Variants in RNF14 observed in about 807,000 individuals in gnomAD.
RNF14 encodes E3 ubiquitin-protein ligase RNF14.
In RNF14, 26 loss-of-function variants were observed where a neutral mutation model predicts 52.6. That is an observed-to-expected ratio of 0.49 (90% confidence interval 0.36 to 0.69). The LOEUF is 0.69. Among genes scored for constraint, RNF14 ranks in the 30% least tolerant of loss-of-function variants. The probability of loss-of-function intolerance (pLI) is 0.00; values close to 1 mark genes in which losing one functional copy is unlikely to be tolerated. For synonymous variants in RNF14, 194 were observed against 202.0 expected (o/e 0.96, Z 0.34); for missense variants, 404 against 560.4 (o/e 0.72, Z 2.82).
chr5:141,955,085 C>T (rs775039753), upstream of RNF14: 1 of 1,614,130 alleles, frequency 6.2e-7, no homozygotes. The surrounding 1 kb of genome is among the most constrained non-coding windows in gnomAD (Gnocchi z 5.5). Context: ...GATTCTTTCT[C>T]AGGGGACACT....
chr5:141,955,195 G>A (rs140005536), upstream of RNF14: 449 of 1,614,198 alleles, frequency 2.8e-4, 1 homozygote, highest in East Asian at 5.4e-3. This position sits in a 1 kb window ranked among gnomAD's most constrained non-coding sequence, Gnocchi z 5.5. Flanking sequence ...CCTCCCTGTG[G>A]GGCTGCCTGC....
At chr5:141,976,343 CAG>C (rs1215223378) in intron 4 of RNF14, among the ~76,000 whole-genome samples, 1 of 152,198 alleles carries the variant, frequency 6.6e-6, no homozygotes, top group Non-Finnish European at 1.5e-5. Flanking sequence ...ACGCACAAAA[CAG>C]GGACAGATTA....
upstream of RNF14, chr5:141,955,772 T>A: frequency 6.2e-7 from 1 of 1,613,946 alleles, no homozygotes. This position sits in a 1 kb window ranked among gnomAD's most constrained non-coding sequence, Gnocchi z 5.5. Context: ...GTGACAAACA[T>A]GACCCTCAAC....
intron 1 of RNF14, among the ~76,000 whole-genome samples, chr5:141,961,720 G>A (rs1753276489): frequency 6.6e-6 from 1 of 152,130 alleles, no homozygotes; most frequent in African/African-American, 2.4e-5. Context: ...CTTAACCACA[G>A]GGAGGGCTGA....
At chr5:141,985,378 A>C (rs771039989) in intron 8 of RNF14, among the ~76,000 whole-genome samples, 3 of 152,212 alleles carry the variant, frequency 2.0e-5, no homozygotes, top group Non-Finnish European at 4.4e-5. Context: ...GTGGCATACT[A>C]TTATCTAGTA....
chr5:141,981,419 G>A (rs72796057), intron 6 of RNF14, among the ~76,000 whole-genome samples: 9,916 of 152,102 alleles, frequency 0.065, 380 homozygotes, highest in Non-Finnish European at 0.089. Context: ...AGACTAGCTT[G>A]GGCAACGTAG....
Position 141,985,056 on chromosome 5 carries a change from C to A in RNF14, c.1367+123C>A. The A allele has an allele frequency of 9.1e-6, 8 of 882,016 alleles. No individual in the cohort carries two copies. In the South Asian group the frequency reaches 1.0e-4, roughly 11 times the overall value. 54.6% of individuals were successfully genotyped at this position (882,016 alleles called of 1,614,324 possible). On this transcript the variant is annotated intron_variant, in intron 8 of 8. Transcript: ENST00000394520. ...TAGAGAATTCTCTTACATGTTTTCC[C>A]CTATAAAGGAATTTTCATATTATTT... is the stretch of plus-strand genomic sequence containing the variant.
chr5:141,955,972 T>C, upstream of RNF14: 1 of 1,614,150 alleles, frequency 6.2e-7, no homozygotes, highest in Non-Finnish European at 8.5e-7. This position sits in a 1 kb window ranked among gnomAD's most constrained non-coding sequence, Gnocchi z 5.5. Context: ...TGCCCCCGAG[T>C]CTGCATCTCT....
intron 3 of RNF14, among the ~76,000 whole-genome samples, chr5:141,974,464 G>C (rs1754068318): frequency 6.6e-6 from 1 of 152,198 alleles, no homozygotes; most frequent in African/African-American, 2.4e-5. Context: ...CCTTTCTCTA[G>C]ATTGTGTCTT....
In RNF14 at chr5:141,983,403, G is replaced by T; in HGVS notation, c.1087G>T (p.Glu363Ter). The T allele has an allele frequency of 1.2e-6, 2 of 1,612,932 alleles. No individual in the cohort carries two copies. Among genetic ancestry groups the T allele is most frequent in the South Asian group, 1.1e-5 (1 of 90,846 alleles). The change falls in exon 7 of 9, where the codon GAA becomes TAA. Residue 363 changes from glutamate to a stop codon, truncating the protein, a stop_gained. Transcript: ENST00000394520. LOFTEE classifies it high-confidence loss of function. ...TAEKLMDLRNEYLQADEANKR... is the reference protein window; with the variant it reads ...TAEKLMDLRN ...AGAGAAATTAATGGACTTACGAAAT[G>T]AATACCTGCAAGCGGATGAGGCTAA...
chr5:141,960,948 G>A (rs1753270454), intron 1 of RNF14, among the ~76,000 whole-genome samples: 1 of 152,124 alleles, frequency 6.6e-6, no homozygotes, highest in Non-Finnish European at 1.5e-5. Context: ...CAGGGACCGG[G>A]GACAGCCACG....
chr5:141,981,818 C>G (rs1276085519), intron 6 of RNF14: 4 of 150,950 alleles, frequency 2.6e-5, no homozygotes, highest in African/African-American at 9.8e-5. Context: ...CACCACTGCA[C>G]TCCAGCCTGG....
intron 4 of RNF14, 26 bp from the exon 5 acceptor site, chr5:141,978,277 C>A: frequency 6.5e-7 from 1 of 1,532,864 alleles, no homozygotes; most frequent in South Asian, 1.3e-5. Context: ...CCAAACTCAC[C>A]AACATCTTCA....
At chr5:141,976,776 CTTTTTTTTTT>C (rs70991717) in intron 4 of RNF14, among the ~76,000 whole-genome samples, 4 of 100,080 alleles carry the variant, frequency 4.0e-5, no homozygotes, top group Non-Finnish European at 7.8e-5. Context: ...CTTTCTCTCT[CTTTTTTTTTT>C]TTTTTTTTTT....
chr5:141,984,684 C>A, intron 7 of RNF14, 119 bp from the exon 8 acceptor site: 1 of 859,940 alleles, frequency 1.2e-6, no homozygotes, highest in Non-Finnish European at 1.9e-6. Flanking sequence ...ATTGATATCT[C>A]AACCCTGCAT....
At position 141,959,997 on chromosome 5, in the gene RNF14, G is replaced by A. The variant is rs561801865; in HGVS notation, c.-181+1572G>A. ...CTGTTTATTATCTTCCAAGTTTTAT[G>A]CCTCATACGCAAATGGCAAAGATGG... On this transcript the variant is annotated intron_variant, in intron 1 of 4. Transcript: ENST00000506822. 4.5e-4 allele frequency among the ~76,000 whole-genome samples: 68 copies of A among 152,332 alleles called. No individual in the cohort carries two copies. The South Asian group carries it at 0.013, about 29-fold the overall frequency.
chr5:141,971,666 G>C (rs574543667), intron 2 of RNF14, among the ~76,000 whole-genome samples: 24 of 107,594 alleles, frequency 2.2e-4, no homozygotes, highest in African/African-American at 8.1e-4. Context: ...TTTGGAGACA[G>C]AGTCTGTCTC....
chr5:141,959,313 G>C (rs575605818), intron 1 of RNF14, among the ~76,000 whole-genome samples: 2 of 151,972 alleles, frequency 1.3e-5, no homozygotes, highest in African/African-American at 4.8e-5. Flanking sequence ...ATGTTTTAAG[G>C]GATACCCTAT....
intron 8 of RNF14, among the ~76,000 whole-genome samples, chr5:141,985,412 AATT>A (rs1755146891): frequency 6.6e-6 from 1 of 152,220 alleles, no homozygotes; most frequent in Non-Finnish European, 1.5e-5. Flanking sequence ...GAAACTTCCT[AATT>A]ATTTCTGAAA....
Sources: gnomAD v4.1 joint callset for allele counts (sites outside exome capture counted in the v4.1 genomes callset) on GRCh38, gnomAD v4.1.1 for gene constraint, Gnocchi (gnomAD v3.1) non-coding constraint, MANE v1.5 for transcripts, NCBI Gene and HGNC (gene_info 2026-07-23, HGNC 2026-07-21) for gene names.